The following SGTA variants were observed in gnomAD, a reference collection of about 807,000 sequenced individuals.
SGTA encodes small glutamine rich tetratricopeptide repeat co-chaperone alpha.
A neutral mutation model predicts 44.3 loss-of-function variants in SGTA; 22 were observed. The observed-to-expected ratio is 0.50, with a 90% confidence interval of 0.36 to 0.71. SGTA has a LOEUF of 0.71. SGTA is among the 30% of genes least tolerant of loss of function. The pLI is 0.00. For missense variants in SGTA, 341 were observed against 435.9 expected, an observed-to-expected ratio of 0.78 and a Z score of 1.94; for synonymous variants, 174 against 177.6, an observed-to-expected ratio of 0.98 and a Z score of 0.16.
At chr19:2,760,983 C>T (rs1914973117) in intron 8 of SGTA, among the ~76,000 whole-genome samples, 1 of 152,228 alleles carries the variant, frequency 6.6e-6, no homozygotes, top group African/African-American at 2.4e-5. Context: ...CAAAGGCCGT[C>T]CCTTTGGAAG....
In SGTA at chr19:2,767,203, C is replaced by T; in HGVS notation, c.225G>A (p.Leu75=). ...AAGGCGGGGTTCGCGCGGGGCTCCT[C>T]AGGTCCTGCGGCATCTCCTGGACCC... ...AATGKEMPQD[L]RSPARTPPSE... Residue 75 remains leucine, a synonymous_variant, in exon 4 of 12, where the codon CTG becomes CTA. Coordinates refer to ENST00000221566, the MANE Select transcript of SGTA (RefSeq NM_003021.4). This position sits in a 1 kb window ranked among gnomAD's most constrained non-coding sequence, Gnocchi z 7.3. The T allele has an allele frequency of 6.2e-7, 1 of 1,611,256 alleles. No individual in the cohort carries two copies. The highest frequency in any genetic ancestry group is 8.5e-7 in the Non-Finnish European group (1 of 1,179,120).
At chr19:2,772,742 A>G (rs906293317) in intron 1 of SGTA, among the ~76,000 whole-genome samples, 2 of 152,224 alleles carry the variant, frequency 1.3e-5, no homozygotes, top group African/African-American at 4.8e-5. Flanking sequence ...CAGGGAGAAC[A>G]CTGTGTGGAT....
chr19:2,771,582 G>GC, intron 1 of SGTA, among the ~76,000 whole-genome samples: 1 of 151,796 alleles, frequency 6.6e-6, no homozygotes, highest in Middle Eastern at 3.4e-3. Flanking sequence ...CATCGGGGGG[G>GC]GGGGGAGGGG....
In SGTA at chr19:2,764,445, T is replaced by TGG. The variant is rs201766785; in HGVS notation, c.393-690_393-689dup. 2.6e-3 allele frequency among the ~76,000 whole-genome samples: 391 copies of TGG among 152,368 alleles called. 2 individuals carry two copies. The highest frequency in any genetic ancestry group is 9.0e-3 in the African/African-American group (375 of 41,596). On this transcript the variant is annotated intron_variant, in intron 5 of 11. Transcript: ENST00000221566. ...CAGGGTTTTGCTCTGCTGCCCAGGCTGGAGTGCAGTGACACGATCTCAGCT... is the reference window on the plus strand; with the variant it reads ...CAGGGTTTTGCTCTGCTGCCCAGGCTGGGGAGTGCAGTGACACGATCTCAGCT...
Position 2,769,100 on chromosome 19 carries a change from G to GCACCCC in SGTA, c.-23-10_-23-9insGGGGTG. On this transcript the variant is annotated splice_polypyrimidine_tract_variant and intron_variant, in intron 1 of 11. Transcript: ENST00000221566. The stretch of plus-strand genomic sequence containing the variant: ...CCCAGAAGAGGTGATACCTGGGGGT[G>GCACCCC]CAGGAAAAACCCCCATCAGGCCCCC... The GCACCCC allele has an allele frequency of 6.4e-7, 1 of 1,572,190 alleles. No homozygotes were observed. The highest frequency in any genetic ancestry group is 8.8e-7 in the Non-Finnish European group (1 of 1,142,692).
intron 1 of SGTA, among the ~76,000 whole-genome samples, chr19:2,776,649 G>T (rs150163412): frequency 6.6e-6 from 1 of 152,338 alleles, no homozygotes; most frequent in Non-Finnish European, 1.5e-5. Flanking sequence ...TAAAGCCACT[G>T]AACTGTGCAT....
At chr19:2,762,411 G>C in intron 7 of SGTA, 95 bp downstream of exon 7, 1 of 1,314,156 alleles carries the variant, frequency 7.6e-7, no homozygotes, top group Admixed American at 1.8e-5. Flanking sequence ...ACGACACCCA[G>C]GTTAAGCCTA....
intron 9 of SGTA, 40 bp from the exon 10 acceptor site, chr19:2,757,822 G>T: frequency 1.4e-6 from 2 of 1,410,506 alleles, no homozygotes; most frequent in Non-Finnish European, 1.9e-6. Flanking sequence ...GGGACAGCCT[G>T]ACCGCCACCC....
At position 2,765,759 on chromosome 19, in the gene SGTA, G is replaced by C. The variant is rs112756152; in HGVS notation, c.293-474C>G. ...GGCATGGGTCCCAGCTGGTAGGACG[G>C]TAAAAACCCCAGCTGCTATCCTAGA... is the stretch of plus-strand genomic sequence containing the variant. On this transcript the variant is annotated intron_variant, in intron 4 of 11. Coordinates refer to ENST00000221566, the MANE Select transcript of SGTA (RefSeq NM_003021.4). This position sits in a 1 kb window ranked among gnomAD's most constrained non-coding sequence, Gnocchi z 5.5. 1.3e-5 allele frequency among the ~76,000 whole-genome samples: 2 copies of C among 152,242 alleles called. No homozygotes were observed. The highest frequency in any genetic ancestry group is 4.8e-5 in the African/African-American group (2 of 41,540).
chr19:2,766,742 T>A (rs572591051), intron 4 of SGTA, among the ~76,000 whole-genome samples: 3 of 151,970 alleles, frequency 2.0e-5, no homozygotes, highest in Non-Finnish European at 4.4e-5. Flanking sequence ...GGCCTCTTCT[T>A]GCTTTTTGAC....
Position 2,765,351 on chromosome 19 carries a change from G to T in SGTA, c.293-66C>A. 1 of 1,198,634 alleles carries T rather than the reference G, an allele frequency of 8.3e-7. No individual in the cohort carries two copies. The highest frequency in any genetic ancestry group is 1.2e-6 in the Non-Finnish European group (1 of 822,792). 74.2% of individuals were successfully genotyped at this position (1,198,634 alleles called of 1,614,324 possible). A position where few individuals can be genotyped will look rare whatever the true frequency, so the allele number is the denominator to read the frequency against. ...GACCGGAGGGGGTGTCAGGGAGAGA[G>T]GAAAACACCGGCCTGGTGTCCACAC... On this transcript the variant is annotated intron_variant, in intron 4 of 11. Coordinates refer to ENST00000221566, the MANE Select transcript of SGTA (RefSeq NM_003021.4). The surrounding 1 kb of genome is among the most constrained non-coding windows in gnomAD (Gnocchi z 5.5).
chr19:2,776,878 G>T (rs979940286), intron 1 of SGTA, among the ~76,000 whole-genome samples: 3 of 151,334 alleles, frequency 2.0e-5, no homozygotes, highest in African/African-American at 4.9e-5. Flanking sequence ...CGGGAGAATC[G>T]CTTGAACCCG....
chr19:2,761,615 G>T lies in SGTA; in HGVS notation c.637-93C>A. Reference sequence around the variant, plus strand: ...CTCAGAAACAACGGCCCCCCACGGGGCTCAGACATTCTATCAACCCTGCGG... The same window carrying T: ...CTCAGAAACAACGGCCCCCCACGGGTCTCAGACATTCTATCAACCCTGCGG... On this transcript the variant is annotated intron_variant, in intron 7 of 11. Coordinates refer to ENST00000221566, the MANE Select transcript of SGTA (RefSeq NM_003021.4). The surrounding 1 kb of genome is among the most constrained non-coding windows in gnomAD (Gnocchi z 5.7). 2 of 1,048,798 alleles carry T rather than the reference G, an allele frequency of 1.9e-6. No individual in the cohort carries two copies. The highest frequency in any genetic ancestry group is 2.9e-6 in the Non-Finnish European group (2 of 698,120). The allele number at this position is 1,048,798 out of a possible 1,614,324, so 65.0% of individuals were successfully genotyped here.
intron 2 of SGTA, among the ~76,000 whole-genome samples, chr19:2,768,242 C>G (rs1227352304): frequency 6.6e-6 from 1 of 152,174 alleles, no homozygotes; most frequent in Admixed American, 6.5e-5. Context: ...CCAGACAACA[C>G]TAGCCCTGGC....
intron 1 of SGTA, among the ~76,000 whole-genome samples, chr19:2,781,331 G>A (rs1055988753): frequency 2.6e-5 from 4 of 152,158 alleles, no homozygotes; most frequent in African/African-American, 7.2e-5. Flanking sequence ...CTGTACATGC[G>A]ATAGCTTATT....
chr19:2,762,714 T>C, intron 6 of SGTA, 70 bp from the exon 7 acceptor site: 1 of 1,579,316 alleles, frequency 6.3e-7, no homozygotes, highest in East Asian at 2.3e-5. Flanking sequence ...AAAGCCCTCG[T>C]CCCCGGCGGT....
At chr19:2,764,329 T>C (rs1220242861) in intron 5 of SGTA, among the ~76,000 whole-genome samples, 4 of 152,204 alleles carry the variant, frequency 2.6e-5, no homozygotes, top group Admixed American at 2.6e-4. Context: ...ACCCTCCACA[T>C]ACTGGATTAT....
At position 2,755,417 on chromosome 19, in the gene SGTA, C is replaced by T. The variant is rs1391416842; in HGVS notation, c.*523G>A. 5 of 987,602 alleles carry T rather than the reference C, an allele frequency of 5.1e-6. No individual in the cohort carries two copies. Among genetic ancestry groups the T allele is most frequent in the Non-Finnish European group, 4.8e-6 (4 of 830,184 alleles). The allele number at this position is 987,602 out of a possible 1,614,324, so 61.2% of individuals were successfully genotyped here. A position where few individuals can be genotyped will look rare whatever the true frequency, so the allele number is the denominator to read the frequency against. ...GTTCCTCATGCAAACACACATGGCC[C>T]GCGGTGCCCAGGCCGCAGCTGGCAG... On this transcript the variant is annotated 3_prime_UTR_variant, in exon 12 of 12. Transcript: ENST00000221566. This position sits in a 1 kb window ranked among gnomAD's most constrained non-coding sequence, Gnocchi z 5.2.
At chr19:2,759,051 A>G (rs921592276) in intron 9 of SGTA, among the ~76,000 whole-genome samples, 5 of 151,868 alleles carry the variant, frequency 3.3e-5, no homozygotes, top group Admixed American at 6.6e-5. Flanking sequence ...TTGGTGCTCA[A>G]TGGTGGTGAC....
Sources: allele counts gnomAD v4.1 joint callset (sites outside exome capture counted in the v4.1 genomes callset), GRCh38; gene constraint gnomAD v4.1.1; non-coding constraint Gnocchi (gnomAD v3.1); transcripts MANE v1.5; gene names NCBI Gene and HGNC (gene_info 2026-07-23, HGNC 2026-07-21).